The following ELMO1 variants were observed in gnomAD, a reference collection of about 807,000 sequenced individuals.
The protein encoded by ELMO1 is engulfment and cell motility protein 1.
ELMO1 carries 26 observed loss-of-function variants against 98.9 expected under a neutral mutation model. That is an observed-to-expected ratio of 0.26 (90% CI 0.19 to 0.36). The LOEUF is 0.36. Among genes scored for constraint, ELMO1 ranks in the 10% least tolerant of loss-of-function variants. The pLI, the probability that ELMO1 is intolerant of heterozygous loss-of-function variation, is 1.00. For missense variants in ELMO1, 627 were observed against 935.2 expected (o/e 0.67, Z 4.30); for synonymous variants, 346 against 346.0 (o/e 1.00, Z 0.00).
intron 16 of ELMO1, among the ~76,000 whole-genome samples, chr7:36,939,370 A>G (rs1184262363): frequency 6.7e-6 from 1 of 148,590 alleles, no homozygotes; most frequent in Non-Finnish European, 1.5e-5. Context: ...GGGTTCATGT[A>G]CTCATAGAAG....
intron 20 of ELMO1, among the ~76,000 whole-genome samples, chr7:36,864,964 C>T (rs944992629): frequency 6.6e-6 from 1 of 152,140 alleles, no homozygotes; most frequent in Non-Finnish European, 1.5e-5. Flanking sequence ...CCCTGAGGCC[C>T]CTGACCTTTG....
chr7:37,437,228 C>G (rs1805188390), intron 1 of ELMO1, among the ~76,000 whole-genome samples: 1 of 152,156 alleles, frequency 6.6e-6, no homozygotes, highest in African/African-American at 2.4e-5. Context: ...ATGCAAACAA[C>G]CTCAAAAGCT....
intron 16 of ELMO1, among the ~76,000 whole-genome samples, chr7:36,997,574 A>G (rs1305243827): frequency 6.6e-6 from 1 of 152,174 alleles, no homozygotes; most frequent in Non-Finnish European, 1.5e-5. Context: ...TCCTGGAGTT[A>G]GAGCCCACAG....
intron 16 of ELMO1, among the ~76,000 whole-genome samples, chr7:36,900,684 G>A (rs58781278): frequency 2.1e-3 from 315 of 152,246 alleles, no homozygotes; most frequent in African/African-American, 7.1e-3. Context: ...CTAATGGGTG[G>A]TCAATACTTA....
At chr7:36,900,503 G>C (rs1326751639) in intron 16 of ELMO1, among the ~76,000 whole-genome samples, 1 of 152,212 alleles carries the variant, frequency 6.6e-6, no homozygotes, top group African/African-American at 2.4e-5. Flanking sequence ...GGTTTATAAA[G>C]CACACTTTCA....
chr7:37,167,373 CT>C lies in ELMO1; in HGVS notation c.1087-34140del, dbSNP rs543217631. On this transcript the variant is annotated intron_variant, in intron 13 of 21. Coordinates refer to ENST00000310758, the MANE Select transcript of ELMO1 (RefSeq NM_014800.11). The stretch of plus-strand genomic sequence containing the variant: ...AATAGTGTTATGTGTGAATTTGATC[CT>C]GTCATTATGATGTTAGCTGGTTATT... Among the ~76,000 whole-genome samples, 814 of 152,124 alleles carry C rather than the reference CT, an allele frequency of 5.4e-3. 8 individuals carry two copies. Among genetic ancestry groups the C allele is most frequent in the African/African-American group, 0.019 (774 of 41,474 alleles).
At chr7:37,075,391 G>C (rs539331026) in intron 15 of ELMO1, among the ~76,000 whole-genome samples, 1 of 150,122 alleles carries the variant, frequency 6.7e-6, no homozygotes, top group African/African-American at 2.5e-5. Flanking sequence ...TCCTGACCTC[G>C]TGATCCACCC....
intron 16 of ELMO1, among the ~76,000 whole-genome samples, chr7:36,902,619 A>G (rs10488021): frequency 0.11 from 16,799 of 152,266 alleles, 1,197 homozygotes; most frequent in Middle Eastern, 0.17. Flanking sequence ...TTATTCTTGA[A>G]TGCAAACCAC....
chr7:37,345,534 A>C (rs1301964198), intron 1 of ELMO1, among the ~76,000 whole-genome samples: 1 of 152,164 alleles, frequency 6.6e-6, no homozygotes, highest in Non-Finnish European at 1.5e-5. Context: ...ACATGGTGAA[A>C]CCTCATCTCT....
At chr7:36,866,314 C>T (rs1190026708) in intron 20 of ELMO1, among the ~76,000 whole-genome samples, 1 of 152,166 alleles carries the variant, frequency 6.6e-6, no homozygotes, top group Non-Finnish European at 1.5e-5. Flanking sequence ...CTTTCTGATC[C>T]CTGTGTGAAG....
At chr7:37,364,237 T>C (rs1325137559) in intron 1 of ELMO1, among the ~76,000 whole-genome samples, 1 of 152,224 alleles carries the variant, frequency 6.6e-6, no homozygotes, top group Non-Finnish European at 1.5e-5. Context: ...TTTTCATCTA[T>C]GCCTTTATTA....
rs550305396 is a variant in ELMO1 at position 37,077,867 on chromosome 7, G to A, written c.1300+18752C>T. On this transcript the variant is annotated intron_variant, in intron 15 of 21. Coordinates refer to ENST00000310758, the MANE Select transcript of ELMO1 (RefSeq NM_014800.11). Reference sequence around the variant, plus strand: ...TAGGGAGAAATGATCCAGAGCATACGAGCAAAGGGGAATGTACCTCCTGCC... The same window carrying A: ...TAGGGAGAAATGATCCAGAGCATACAAGCAAAGGGGAATGTACCTCCTGCC... Among the ~76,000 whole-genome samples, 7 of 152,306 alleles carry A rather than the reference G, an allele frequency of 4.6e-5. No homozygotes were observed. In the South Asian group the frequency reaches 1.0e-3, roughly 23 times the overall value.
At chr7:36,965,399 A>G (rs1470616608) in intron 16 of ELMO1, among the ~76,000 whole-genome samples, 2 of 152,218 alleles carry the variant, frequency 1.3e-5, no homozygotes, top group Non-Finnish European at 2.9e-5. Flanking sequence ...TAGGTTATAC[A>G]GAAGAAACCT....
At chr7:36,940,260 G>T (rs934771400) in intron 16 of ELMO1, among the ~76,000 whole-genome samples, 2 of 152,198 alleles carry the variant, frequency 1.3e-5, no homozygotes, top group Non-Finnish European at 1.5e-5. Context: ...TCTGGTGAAA[G>T]CAACCTTAGA....
chr7:37,322,813 C>A (rs1799593461), intron 2 of ELMO1, among the ~76,000 whole-genome samples: 1 of 151,956 alleles, frequency 6.6e-6, no homozygotes, highest in Non-Finnish European at 1.5e-5. Flanking sequence ...CAGAGCCAGG[C>A]TCTGTCTCGA....
At chr7:37,164,992 T>A (rs1789546360) in intron 13 of ELMO1, among the ~76,000 whole-genome samples, 1 of 152,138 alleles carries the variant, frequency 6.6e-6, no homozygotes, top group Non-Finnish European at 1.5e-5. Context: ...CTTCCATTTG[T>A]TTGTATCCTT....
chr7:36,990,014 G>T (rs1008856176), intron 16 of ELMO1, among the ~76,000 whole-genome samples: 1 of 151,910 alleles, frequency 6.6e-6, no homozygotes, highest in Non-Finnish European at 1.5e-5. Context: ...AAGCTCTTTC[G>T]TCCACCTAGC....
intron 16 of ELMO1, among the ~76,000 whole-genome samples, chr7:36,928,704 T>C (rs1212566150): frequency 6.6e-6 from 1 of 152,136 alleles, no homozygotes; most frequent in African/African-American, 2.4e-5. Flanking sequence ...ACTGTAACTA[T>C]TACCTATGGT....
At chr7:37,448,146 G>C (rs1450285846) in intron 1 of ELMO1, among the ~76,000 whole-genome samples, 1 of 148,924 alleles carries the variant, frequency 6.7e-6, no homozygotes. Context: ...CCACGAGCGC[G>C]CTCGCCGGGG....
Sources: gnomAD v4.1 joint callset for allele counts (sites outside exome capture counted in the v4.1 genomes callset) on GRCh38, gnomAD v4.1.1 for gene constraint, MANE v1.5 for transcripts, NCBI Gene and HGNC (gene_info 2026-07-23, HGNC 2026-07-21) for gene names.